Variants in CFAP96 observed in about 807,000 individuals in gnomAD.
The protein encoded by CFAP96 is cilia-and flagella-associated protein 96.
chr4:185,415,321 A>AT, the CFAP96 span: 1 of 1,594,794 alleles, frequency 6.3e-7, no homozygotes, highest in Non-Finnish European at 8.5e-7. Context: ...TTGATTATGA[A>AT]TTGCATCAAC....
the CFAP96 span, among the ~76,000 whole-genome samples, chr4:185,435,036 C>A: frequency 1.3e-5 from 2 of 151,152 alleles, no homozygotes; most frequent in Non-Finnish European, 3.0e-5. Flanking sequence ...CCACCACACC[C>A]ACCCCCGGAA....
the CFAP96 span, among the ~76,000 whole-genome samples, chr4:185,440,050 A>G: frequency 6.7e-6 from 1 of 149,774 alleles, no homozygotes; most frequent in African/African-American, 2.5e-5. Flanking sequence ...AATTATAAAA[A>G]TGTTATATAC....
chr4:185,439,915 CAT>C, the CFAP96 span, among the ~76,000 whole-genome samples: 14 of 144,190 alleles, frequency 9.7e-5, no homozygotes, highest in South Asian at 4.3e-4. Flanking sequence ...ATATATATCT[CAT>C]ATATATGATA....
chr4:185,443,136 G>A, the CFAP96 span, among the ~76,000 whole-genome samples: 1 of 151,554 alleles, frequency 6.6e-6, no homozygotes, highest in Admixed American at 6.6e-5. Context: ...TCACAGTGAA[G>A]CGTTCTGAGC....
At chr4:185,444,232 C>T in the CFAP96 span, among the ~76,000 whole-genome samples, 8 of 151,956 alleles carry the variant, frequency 5.3e-5, no homozygotes, top group Admixed American at 3.9e-4. Context: ...GGATTACAGG[C>T]GTGAGCCACC....
At chr4:185,425,772 G>T in the CFAP96 span, 2 of 1,537,036 alleles carry the variant, frequency 1.3e-6, no homozygotes, top group Admixed American at 3.9e-5. Context: ...ACCCCGGCAG[G>T]ACCAGCTCCT....
At chr4:185,410,679 G>C in the CFAP96 span, among the ~76,000 whole-genome samples, 1 of 150,096 alleles carries the variant, frequency 6.7e-6, no homozygotes, top group Admixed American at 6.7e-5. Context: ...GGGCGCAGTG[G>C]CTCACGCCTG....
chr4:185,432,894 T>G, the CFAP96 span, among the ~76,000 whole-genome samples: 1 of 151,806 alleles, frequency 6.6e-6, no homozygotes, highest in Non-Finnish European at 1.5e-5. Context: ...GGATACATTT[T>G]TTTTGTTGTT....
the CFAP96 span, among the ~76,000 whole-genome samples, chr4:185,408,806 A>G: frequency 6.6e-6 from 1 of 152,058 alleles, no homozygotes; most frequent in Non-Finnish European, 1.5e-5. Context: ...TTGCACTCTT[A>G]CTTCACTCAG....
chr4:185,442,532 G>T, the CFAP96 span, among the ~76,000 whole-genome samples: 13 of 151,936 alleles, frequency 8.6e-5, no homozygotes, highest in South Asian at 4.1e-4. Flanking sequence ...TGTCCTAATG[G>T]TTATTTTCTT....
chr4:185,422,505 A>G, the CFAP96 span: 1 of 1,611,634 alleles, frequency 6.2e-7, no homozygotes, highest in Non-Finnish European at 8.5e-7. Flanking sequence ...AGCTAGCTGA[A>G]AAGCCAAATC....
the CFAP96 span, chr4:185,415,928 A>T: frequency 7.3e-7 from 1 of 1,378,088 alleles, no homozygotes; most frequent in Admixed American, 2.4e-5. Flanking sequence ...ATAAAGAGTA[A>T]GTAAAAAGAC....
At chr4:185,420,767 C>G in the CFAP96 span, among the ~76,000 whole-genome samples, 1 of 152,148 alleles carries the variant, frequency 6.6e-6, no homozygotes, top group African/African-American at 2.4e-5. Flanking sequence ...TCTATATTTT[C>G]TGATTAATGA....
At chr4:185,413,942 G>A in the CFAP96 span, 2 of 1,374,928 alleles carry the variant, frequency 1.5e-6, no homozygotes, top group Non-Finnish European at 1.9e-6. Flanking sequence ...AATAAATAAA[G>A]ATGTTATTAA....
the CFAP96 span, among the ~76,000 whole-genome samples, chr4:185,442,506 A>C: frequency 6.6e-6 from 1 of 152,100 alleles, no homozygotes; most frequent in Non-Finnish European, 1.5e-5. Flanking sequence ...ATAACTGGCC[A>C]CTTCATTAAA....
chr4:185,445,534 T>G, the CFAP96 span: 8 of 1,560,536 alleles, frequency 5.1e-6, no homozygotes, highest in Non-Finnish European at 7.0e-6. Context: ...TCTTTAACTT[T>G]GAAATAACCT....
chr4:185,434,751 T>C, the CFAP96 span, among the ~76,000 whole-genome samples: 1 of 151,414 alleles, frequency 6.6e-6, no homozygotes, highest in African/African-American at 2.4e-5. Context: ...ATATATTTAT[T>C]TTTGTGAGAT....
the CFAP96 span, chr4:185,408,483 T>G: frequency 7.2e-6 from 11 of 1,528,642 alleles, no homozygotes; most frequent in Admixed American, 1.9e-4. Flanking sequence ...AGGATAGAAG[T>G]ACATATTCTA....
the CFAP96 span, among the ~76,000 whole-genome samples, chr4:185,443,340 A>ATTTTTTTTT: frequency 1.4e-4 from 4 of 28,484 alleles, no homozygotes; most frequent in African/African-American, 4.3e-4. Flanking sequence ...ATATATATAT[A>ATTTTTTTTT]TATTTTTTTT....
Sources: allele counts gnomAD v4.1 joint callset (sites outside exome capture counted in the v4.1 genomes callset), GRCh38; gene constraint gnomAD v4.1.1; transcripts MANE v1.5; gene names NCBI Gene and HGNC (gene_info 2026-07-23, HGNC 2026-07-21).